The following MUL1 variants were observed in gnomAD, a reference collection of about 807,000 sequenced individuals.
MUL1 encodes the protein mitochondrial E3 ubiquitin protein ligase 1, also known as mitochondrial ubiquitin ligase activator of NFKB 1.
MUL1 carries 30 observed loss-of-function variants against 34.1 expected under a neutral mutation model. The observed-to-expected ratio is 0.88, with a 90% CI of 0.66 to 1.19. MUL1 has a LOEUF of 1.19. MUL1 is among the 50% of genes most tolerant of loss of function. The pLI is 0.00. For missense variants in MUL1, 419 were observed against 450.5 expected (o/e 0.93, Z 0.63); for synonymous variants, 191 against 187.8 (o/e 1.02, Z -0.14).
chr1:20,501,448 G>A lies in MUL1; in HGVS notation c.330-29C>T, dbSNP rs1201136126. On this transcript the variant is annotated intron_variant, in intron 3 of 3. Transcript: ENST00000264198. This position sits in a 1 kb window ranked among gnomAD's most constrained non-coding sequence, Gnocchi z 4.2. ...GAAGAATAAGAGAACTAAAGATACA[G>A]GGTAGCAAACAGCAAACACCCAGGC... 1.3e-6 allele frequency: 2 copies of A among 1,590,616 alleles called. No homozygotes were observed. Among genetic ancestry groups the A allele is most frequent in the Non-Finnish European group, 1.7e-6 (2 of 1,166,502 alleles).
At position 20,500,821 on chromosome 1, in the gene MUL1, T is replaced by TG; in HGVS notation, c.927dup (p.Lys310GlnfsTer84). On this transcript the variant is annotated frameshift_variant, in exon 4 of 4. Coordinates refer to ENST00000264198, the MANE Select transcript of MUL1 (RefSeq NM_024544.3). LOFTEE classifies it high-confidence loss of function. Reference sequence around the variant, plus strand: ...CCACACTCCAGAAAGACGCAGGACTTGAAGCTGCTCAGACACACTACACAG... The same window carrying TG: ...CCACACTCCAGAAAGACGCAGGACTTGGAAGCTGCTCAGACACACTACACAG... 6.2e-7 allele frequency: 1 copy of TG among 1,614,150 alleles called. No homozygotes were observed. Among genetic ancestry groups the TG allele is most frequent in the Non-Finnish European group, 8.5e-7 (1 of 1,180,012 alleles).
rs201135449 is a variant in MUL1 at position 20,501,452 on chromosome 1, A to G, written c.330-33T>C. Reference sequence around the variant, plus strand: ...AATAAGAGAACTAAAGATACAGGGTAGCAAACAGCAAACACCCAGGCAGAA... The same window carrying G: ...AATAAGAGAACTAAAGATACAGGGTGGCAAACAGCAAACACCCAGGCAGAA... On this transcript the variant is annotated intron_variant, in intron 3 of 3. Coordinates refer to ENST00000264198, the MANE Select transcript of MUL1 (RefSeq NM_024544.3). This position sits in a 1 kb window ranked among gnomAD's most constrained non-coding sequence, Gnocchi z 4.2. 52 of 1,582,502 alleles carry G rather than the reference A, an allele frequency of 3.3e-5. No homozygotes were observed. Among genetic ancestry groups the G allele is most frequent in the Non-Finnish European group, 4.0e-5 (47 of 1,162,994 alleles).
Position 20,500,930 on chromosome 1 carries a change from CT to C in MUL1, c.818del (p.Lys273SerfsTer15). 2 of 1,614,124 alleles carry C rather than the reference CT, an allele frequency of 1.2e-6. No homozygotes were observed. Among genetic ancestry groups the C allele is most frequent in the Non-Finnish European group, 1.7e-6 (2 of 1,180,050 alleles). ...GCTCCTGGAACTCCTCCTGCATCTGCTTGAGGCGCAGGCGCTCCTGCCGCTG... is the reference window on the plus strand; with the variant it reads ...GCTCCTGGAACTCCTCCTGCATCTGCTGAGGCGCAGGCGCTCCTGCCGCTG... The part of the protein sequence containing the change: ...YLQRQERLRL[K>X]QMQEEFQEHE... On this transcript the variant is annotated frameshift_variant, in exon 4 of 4. Transcript: ENST00000264198. LOFTEE classifies it high-confidence loss of function.
chr1:20,500,743 A>C lies in MUL1; in HGVS notation c.1006T>G (p.Cys336Gly). The stretch of plus-strand genomic sequence containing the variant: ...GTGATCGCCTGTCTGCAGATAGGGC[A>C]CTTCTTGGGCTCTGGCAAGGCGCGG... ...CYRALPEPKK[C>G]PICRQAITRV... The change falls in exon 4 of 4, where the codon TGC becomes GGC. Residue 336 changes from cysteine (C) to glycine (G), a missense_variant. Physicochemically the swap from Cys to Gly is radical, Grantham distance 159. Coordinates refer to ENST00000264198, the MANE Select transcript of MUL1 (RefSeq NM_024544.3). The C allele has an allele frequency of 1.2e-6, 2 of 1,609,888 alleles. No homozygotes were observed. The highest frequency in any genetic ancestry group is 1.7e-6 in the Non-Finnish European group (2 of 1,177,824).
At chr1:20,504,237 T>C (rs1409337471) in intron 1 of MUL1, among the ~76,000 whole-genome samples, 2 of 152,196 alleles carry the variant, frequency 1.3e-5, no homozygotes, top group Non-Finnish European at 2.9e-5. Context: ...GCTGTCTTCC[T>C]CTAACAATCC....
At chr1:20,507,867 G>A (rs748173113) in intron 1 of MUL1, 38 bp downstream of exon 1, 3 of 1,587,006 alleles carry the variant, frequency 1.9e-6, no homozygotes, top group East Asian at 2.3e-5. Flanking sequence ...CTGGGACAGA[G>A]ATGACCCGGC....
In MUL1 at chr1:20,500,753, C is replaced by A; in HGVS notation, c.996G>T (p.Glu332Asp). Residue 332 changes from glutamate (E) to aspartate (D), a missense_variant, in exon 4 of 4, where the codon GAG becomes GAT. Transcript: ENST00000264198. ...SCTECYRALPEPKKCPICRQA... is the reference protein window; with the variant it reads ...SCTECYRALPDPKKCPICRQA... ...GTCTGCAGATAGGGCACTTCTTGGG[C>A]TCTGGCAAGGCGCGGTAGCACTCGG... 6.2e-7 allele frequency: 1 copy of A among 1,612,148 alleles called. No individual in the cohort carries two copies. Among genetic ancestry groups the A allele is most frequent in the Non-Finnish European group, 8.5e-7 (1 of 1,179,076 alleles).
Position 20,500,204 on chromosome 1 carries a change from AG to A in MUL1, c.*485del, listed in dbSNP as rs2051639657. On this transcript the variant is annotated 3_prime_UTR_variant, in exon 4 of 4. Transcript: ENST00000264198. ...AAGAAAGACTGTTTCCCGGGGCATG[AG>A]GAAAAAGAAGAAAAGCTGCGGCAGA... The A allele has an allele frequency of 6.5e-6, 1 of 153,306 alleles. No homozygotes were observed. Among genetic ancestry groups the A allele is most frequent in the Non-Finnish European group, 1.5e-5 (1 of 68,878 alleles). 9.5% of individuals were successfully genotyped at this position (153,306 alleles called of 1,614,324 possible).
chr1:20,503,665 G>T (rs2051686692), intron 1 of MUL1, among the ~76,000 whole-genome samples: 1 of 152,144 alleles, frequency 6.6e-6, no homozygotes, highest in Non-Finnish European at 1.5e-5. Context: ...TGACAACACA[G>T]AGCTATGATC....
At chr1:20,504,002 G>T (rs1172738434) in intron 1 of MUL1, among the ~76,000 whole-genome samples, 1 of 151,688 alleles carries the variant, frequency 6.6e-6, no homozygotes, top group Non-Finnish European at 1.5e-5. Flanking sequence ...CCCCCAAGTT[G>T]CTGAGGCCAT....
Position 20,501,287 on chromosome 1 carries a change from A to G in MUL1, c.462T>C (p.Thr154=), listed in dbSNP as rs1487598527. The part of the protein sequence containing the change: ...PLDSVDLGLE[T]VYEKFHPSIQ... ...TCGAGGGGTGGAACTTCTCATACAC[A>G]GTCTCTAGACCCAGATCCACTGAGT... The change falls in exon 4 of 4, where the codon ACT becomes ACC. Residue 154 remains threonine, a synonymous_variant. Transcript: ENST00000264198. The surrounding 1 kb of genome is among the most constrained non-coding windows in gnomAD (Gnocchi z 4.2). 3 of 1,614,144 alleles carry G rather than the reference A, an allele frequency of 1.9e-6. No individual in the cohort carries two copies. In the South Asian group the frequency reaches 3.3e-5, roughly 18 times the overall value.
Position 20,501,092 on chromosome 1 carries a change from G to C in MUL1, c.657C>G (p.Tyr219Ter). ...TGTCGAAGTCCTGGCTGCTTAGATA[G>C]TACTGCATGCCTTGTTTGGGCGGCT... ...RLQPPKQGMQ[Y>*]YLSSQDFDSL... is the part of the protein sequence containing the mutation. Residue 219 changes from tyrosine to a stop codon, truncating the protein, a stop_gained, in exon 4 of 4, where the codon TAC becomes TAG. Transcript: ENST00000264198. LOFTEE classifies it high-confidence loss of function. The surrounding 1 kb of genome is among the most constrained non-coding windows in gnomAD (Gnocchi z 4.2). 6.2e-7 allele frequency: 1 copy of C among 1,614,150 alleles called. No homozygotes were observed.
chr1:20,501,053 C>A lies in MUL1; in HGVS notation c.696G>T (p.Arg232Ser). 6.2e-7 allele frequency: 1 copy of A among 1,614,172 alleles called. No individual in the cohort carries two copies. The highest frequency in any genetic ancestry group is 8.5e-7 in the Non-Finnish European group (1 of 1,180,052). Residue 232 changes from arginine to serine, a missense_variant, in exon 4 of 4, where the codon AGG becomes AGT. Transcript: ENST00000264198. This position sits in a 1 kb window ranked among gnomAD's most constrained non-coding sequence, Gnocchi z 4.2. ...TCCAGAGCCTGACGCTCGACTCCTG[C>A]CTCTGCAGCAGGCTGTCGAAGTCCT... ...SSQDFDSLLQ[R>S]QESSVRLWKV... is the part of the protein sequence containing the mutation.
chr1:20,500,411 A>G lies in MUL1; in HGVS notation c.*279T>C. The G allele has an allele frequency of 3.2e-6, 1 of 309,042 alleles. No homozygotes were observed. 19.1% of individuals were successfully genotyped at this position (309,042 alleles called of 1,614,324 possible). On this transcript the variant is annotated 3_prime_UTR_variant, in exon 4 of 4. Transcript: ENST00000264198. ...CTTAAGTGATGAGGCATTTTCAGTC[A>G]CACTCGCACTGATCTGGCTCCTGGG...
In MUL1 at chr1:20,500,895, TG is replaced by T. The variant is rs2051650872; in HGVS notation, c.853del (p.Gln285SerfsTer3). Reference protein sequence around the residue: ...MQEEFQEHEAQLLSRAKPEDR... With the variant: ...MQEEFQEHEAXLLSRAKPEDR... ...CTCAGGCTTGGCTCGGCTCAGCAGC[TG>T]GGCCTCATGCTCCTGGAACTCCTCC... On this transcript the variant is annotated frameshift_variant, in exon 4 of 4. Transcript: ENST00000264198. LOFTEE classifies it high-confidence loss of function. 4 of 1,614,116 alleles carry T rather than the reference TG, an allele frequency of 2.5e-6. No homozygotes were observed. The highest frequency in any genetic ancestry group is 3.4e-6 in the Non-Finnish European group (4 of 1,179,988).
rs2101114147 is a variant in MUL1 at position 20,500,473 on chromosome 1, G to A, written c.*217C>T. 3 of 544,144 alleles carry A rather than the reference G, an allele frequency of 5.5e-6. No homozygotes were observed. Among genetic ancestry groups the A allele is most frequent in the Non-Finnish European group, 9.4e-6 (3 of 320,516 alleles). The allele number at this position is 544,144 out of a possible 1,614,324, so 33.7% of individuals were successfully genotyped here. The stretch of plus-strand genomic sequence containing the variant: ...CGGCATCCTCCCAGGGTGAGGCTCT[G>A]ATGAGGCTGCACATGGACAGGGTCC... On this transcript the variant is annotated 3_prime_UTR_variant, in exon 4 of 4. Transcript: ENST00000264198.
chr1:20,508,106 G>T lies in MUL1; in HGVS notation c.-82C>A. On this transcript the variant is annotated 5_prime_UTR_variant, in exon 1 of 4. Coordinates refer to ENST00000264198, the MANE Select transcript of MUL1 (RefSeq NM_024544.3). ...CGACTCTCCACCTCCTTCCGACCAG[G>T]ACCGCACCCCCCCGGCCTAACCTGA... is the stretch of plus-strand genomic sequence containing the variant. The T allele has an allele frequency of 6.6e-7, 1 of 1,517,662 alleles. No individual in the cohort carries two copies. Among genetic ancestry groups the T allele is most frequent in the Non-Finnish European group, 8.8e-7 (1 of 1,130,920 alleles). 94.0% of individuals were successfully genotyped at this position (1,517,662 alleles called of 1,614,324 possible).
Position 20,500,633 on chromosome 1 carries a change from A to G in MUL1, c.*57T>C. The G allele has an allele frequency of 1.3e-6, 2 of 1,513,206 alleles. No individual in the cohort carries two copies. Among genetic ancestry groups the G allele is most frequent in the East Asian group, 4.6e-5 (2 of 43,938 alleles). 93.7% of individuals were successfully genotyped at this position (1,513,206 alleles called of 1,614,324 possible). On this transcript the variant is annotated 3_prime_UTR_variant, in exon 4 of 4. Coordinates refer to ENST00000264198, the MANE Select transcript of MUL1 (RefSeq NM_024544.3). ...GCTCCTCCAAAGGCCTCGAGATAAA[A>G]ATCCCTGAAAAGGGGGCAGGGGTGC...
chr1:20,503,994 C>T (rs1429348718), intron 1 of MUL1, among the ~76,000 whole-genome samples: 1 of 151,994 alleles, frequency 6.6e-6, no homozygotes, highest in African/African-American at 2.4e-5. Flanking sequence ...ACCTCAGGCC[C>T]CCAAGTTGCT....
Sources: gnomAD v4.1 joint callset for allele counts (sites outside exome capture counted in the v4.1 genomes callset) on GRCh38, gnomAD v4.1.1 for gene constraint, Gnocchi (gnomAD v3.1) non-coding constraint, MANE v1.5 for transcripts, NCBI Gene and HGNC (gene_info 2026-07-23, HGNC 2026-07-21) for gene names.